The following CIART variants were observed in gnomAD, a reference collection of about 807,000 sequenced individuals.
CIART encodes the protein circadian associated repressor of transcription, also known as circadian-associated transcriptional repressor.
CIART carries 7 observed loss-of-function variants against 22.1 expected under a neutral mutation model. The observed-to-expected ratio is 0.32, with a 90% CI of 0.18 to 0.59. The LOEUF (loss-of-function observed/expected upper bound fraction) is 0.59, where lower values mean the gene tolerates loss of function less well. Ranked by LOEUF, CIART falls within the 20% of genes least tolerant of loss-of-function variation. CIART has a pLI of 0.86. For missense variants in CIART, 440 were observed against 478.0 expected (o/e 0.92, Z 0.74); for synonymous variants, 163 against 174.6 (o/e 0.93, Z 0.53).
chr1:150,285,473 T>C lies in CIART; in HGVS notation c.633+765T>C, dbSNP rs192724430. 30 of 152,648 alleles carry C rather than the reference T, an allele frequency of 2.0e-4. 1 individual carries two copies. Among genetic ancestry groups the C allele is most frequent in the Admixed American group, 1.7e-3 (26 of 15,100 alleles). 9.5% of individuals were successfully genotyped at this position (152,648 alleles called of 1,614,324 possible). On this transcript the variant is annotated intron_variant, in intron 4 of 4. Transcript: ENST00000290363. ...ATTGCTCGAACCCGGGAGGCAGAGG[T>C]TGCGGTGAGCCGAGATCGTGCCATT...
rs1173736546 is a variant in CIART, at chr1:150,283,034, C to G, written c.-234C>G. 1 of 315,128 alleles carries G rather than the reference C, an allele frequency of 3.2e-6. No homozygotes were observed. Among genetic ancestry groups the G allele is most frequent in the Non-Finnish European group, 5.7e-6 (1 of 176,126 alleles). 19.5% of individuals were successfully genotyped at this position (315,128 alleles called of 1,614,324 possible). On this transcript the variant is annotated 5_prime_UTR_variant, in exon 1 of 5. Transcript: ENST00000290363. ...CTCTGCGGCGGCCAGAGAGGGAATC[C>G]CAAGCTCTTAATGGGCGGGGGTGGG...
chr1:150,284,789 C>T, intron 4 of CIART, 81 bp downstream of exon 4: 1 of 1,047,178 alleles, frequency 9.5e-7, no homozygotes, highest in Non-Finnish European at 1.4e-6. Flanking sequence ...CCCCTTTTGC[C>T]ATTTTCTTTT....
At chr1:150,286,400 T>G (rs373544631) in intron 4 of CIART, 30 bp from the exon 5 acceptor site, 2 of 1,519,742 alleles carry the variant, frequency 1.3e-6, no homozygotes, top group Admixed American at 1.7e-5. Flanking sequence ...TTCTCCACAT[T>G]TCTTTTTTTC....
In CIART at chr1:150,284,252, C is replaced by G. The variant is rs1021199584; in HGVS notation, c.443-174C>G. The stretch of plus-strand genomic sequence containing the variant: ...CAGGCTGGTCTCAAACTCCTGACCT[C>G]AGGTGATCCACCCACCTCAGCCTCC... On this transcript the variant is annotated intron_variant, in intron 2 of 4. Transcript: ENST00000290363. 2.0e-5 allele frequency among the ~76,000 whole-genome samples: 3 copies of G among 152,170 alleles called. No individual in the cohort carries two copies. In the East Asian group the frequency reaches 5.8e-4, roughly 29 times the overall value.
intron 4 of CIART, chr1:150,285,118 CCCTT>C: frequency 4.8e-6 from 1 of 208,558 alleles, no homozygotes; most frequent in Non-Finnish European, 9.7e-6. Context: ...TTGTGCCAAA[CCCTT>C]TGACAGTTTT....
chr1:150,283,358 C>T lies in CIART; in HGVS notation c.91C>T (p.Pro31Ser), dbSNP rs782171605. 8 of 1,586,356 alleles carry T rather than the reference C, an allele frequency of 5.0e-6. No individual in the cohort carries two copies. The highest frequency in any genetic ancestry group is 1.4e-5 in the African/African-American group (1 of 73,822). Residue 31 changes from proline to serine, a missense_variant, in exon 1 of 5, where the codon CCC becomes TCC. Coordinates refer to ENST00000290363, the MANE Select transcript of CIART (RefSeq NM_144697.4). ...TSPVNSDFGF[P>S]SDSEREDKGA... ...CCCAGTGAACAGTGACTTTGGCTTC[C>T]CCTCTGATAGTGAGAGGGAGGACAA...
Position 150,283,178 on chromosome 1 carries a change from G to C in CIART, c.-90G>C. 1 of 1,345,334 alleles carries C rather than the reference G, an allele frequency of 7.4e-7. No homozygotes were observed. The highest frequency in any genetic ancestry group is 2.4e-5 in the East Asian group (1 of 41,548). 83.3% of individuals were successfully genotyped at this position (1,345,334 alleles called of 1,614,324 possible). A position where few individuals can be genotyped will look rare whatever the true frequency, so the allele number is the denominator to read the frequency against. The stretch of plus-strand genomic sequence containing the variant: ...GTTCATTTCCTAATCCTTAAACTCT[G>C]GTTTCAAACTCCCTCGCTTTGCTCT... On this transcript the variant is annotated 5_prime_UTR_variant, in exon 1 of 5. Coordinates refer to ENST00000290363, the MANE Select transcript of CIART (RefSeq NM_144697.4).
At chr1:150,284,897 G>GTTA in intron 4 of CIART, 189 bp downstream of exon 4, 1 of 600,468 alleles carries the variant, frequency 1.7e-6, no homozygotes, top group Non-Finnish European at 2.9e-6. Flanking sequence ...TGTTGTTGTT[G>GTTA]TTTTGTTTGA....
intron 4 of CIART, 151 bp from the exon 5 acceptor site, chr1:150,286,279 T>C: frequency 1.4e-6 from 1 of 710,258 alleles, no homozygotes; most frequent in Non-Finnish European, 2.3e-6. Flanking sequence ...TACTTAATCA[T>C]GGCCTGGCAA....
chr1:150,286,775 A>C lies in CIART; in HGVS notation c.979A>C (p.Lys327Gln). The part of the protein sequence containing the change: ...ASPVIPGEPM[K>Q]LSGEGPRCYS... ...TCCTGTCATCCCTGGTGAGCCTATG[A>C]AACTATCTGGAGAGGGTCCTCGTTG... Residue 327 changes from lysine (K) to glutamine (Q), a missense_variant, in exon 5 of 5, where the codon AAA becomes CAA. Coordinates refer to ENST00000290363, the MANE Select transcript of CIART (RefSeq NM_144697.4). The C allele has an allele frequency of 6.2e-7, 1 of 1,613,614 alleles. No individual in the cohort carries two copies. Among genetic ancestry groups the C allele is most frequent in the African/African-American group, 1.3e-5 (1 of 75,026 alleles).
At chr1:150,285,126 CAGTTTT>C in intron 4 of CIART, 3 of 206,338 alleles carry the variant, frequency 1.5e-5, no homozygotes, top group South Asian at 7.4e-5. Flanking sequence ...AACCCTTTGA[CAGTTTT>C]TGAGTCTACA....
In CIART at chr1:150,283,884, A is replaced by G; in HGVS notation, c.442+4A>G. On this transcript the variant is annotated splice_donor_region_variant and intron_variant, in intron 2 of 4. Coordinates refer to ENST00000290363, the MANE Select transcript of CIART (RefSeq NM_144697.4). ...AAGATGGGTCGTTTTGAGAGAGGTA[A>G]TCTTATTGTTGCATTCATTTGGGCT... 1.9e-6 allele frequency: 3 copies of G among 1,555,562 alleles called. No individual in the cohort carries two copies. Among genetic ancestry groups the G allele is most frequent in the Middle Eastern group, 1.7e-4 (1 of 5,952 alleles).
In CIART at chr1:150,283,648, G is replaced by A; in HGVS notation, c.366+15G>A. ...TTGCCCAGAAGGTAAGAGAAAGCAG[G>A]TGAAAGGAGATTCTCCTGGAGTGCC... On this transcript the variant is annotated intron_variant, in intron 1 of 4. Coordinates refer to ENST00000290363, the MANE Select transcript of CIART (RefSeq NM_144697.4). 6.2e-7 allele frequency: 1 copy of A among 1,612,138 alleles called. No homozygotes were observed. The highest frequency in any genetic ancestry group is 8.5e-7 in the Non-Finnish European group (1 of 1,178,592).
intron 2 of CIART, among the ~76,000 whole-genome samples, chr1:150,284,089 C>T (rs1310067095): frequency 6.6e-6 from 1 of 151,882 alleles, no homozygotes; most frequent in African/African-American, 2.4e-5. Flanking sequence ...GCGATCTCGG[C>T]TCACTGCAAC....
chr1:150,283,773 C>G (rs1022760711), intron 1 of CIART, 32 bp from the exon 2 acceptor site: 2 of 1,554,240 alleles, frequency 1.3e-6, no homozygotes, highest in African/African-American at 2.7e-5. Flanking sequence ...AGTTTTTTGT[C>G]TTCTTACAGC....
Position 150,282,683 on chromosome 1 carries a change from A to T in CIART, c.-585A>T, listed in dbSNP as rs1203835823. 6.6e-6 allele frequency: 1 copy of T among 152,646 alleles called. No homozygotes were observed. Among genetic ancestry groups the T allele is most frequent in the Non-Finnish European group, 1.5e-5 (1 of 68,258 alleles). 9.5% of individuals were successfully genotyped at this position (152,646 alleles called of 1,614,324 possible). On this transcript the variant is annotated 5_prime_UTR_variant, in exon 1 of 5. The change abolishes an upstream ATG in the 5' untranslated region. Transcript: ENST00000290363. ...ATTTGGGAGTGGATTTGGGGGCTGA[A>T]TGCAGATCTTGGTATTGGGAGGGTT...
chr1:150,284,921 A>G (rs1220451829), intron 4 of CIART: 2 of 579,302 alleles, frequency 3.5e-6, no homozygotes, highest in African/African-American at 3.8e-5. Flanking sequence ...ACTGGGAGGA[A>G]CTCCATGAAG....
At position 150,283,167 on chromosome 1, in the gene CIART, C is replaced by T. The variant is rs191796557; in HGVS notation, c.-101C>T. ...CCAATCTCCCAGTTCATTTCCTAAT[C>T]CTTAAACTCTGGTTTCAAACTCCCT... On this transcript the variant is annotated 5_prime_UTR_variant, in exon 1 of 5. Transcript: ENST00000290363. The T allele has an allele frequency of 4.5e-3, 5,765 of 1,289,814 alleles. 18 individuals are homozygous for T. The highest frequency in any genetic ancestry group is 5.4e-3 in the Non-Finnish European group (5,116 of 951,886). 79.9% of individuals were successfully genotyped at this position (1,289,814 alleles called of 1,614,324 possible). A position where few individuals can be genotyped will look rare whatever the true frequency, so the allele number is the denominator to read the frequency against.
rs143005306 is a variant in CIART, at chr1:150,283,557, C to T, written c.290C>T (p.Ser97Leu). ...ATGGCAGGATCTGGGGCGAAAAGATCAAGAGATGGTGAACTGGAGACCAGT... is the reference window on the plus strand; with the variant it reads ...ATGGCAGGATCTGGGGCGAAAAGATTAAGAGATGGTGAACTGGAGACCAGT... The part of the protein sequence containing the change: ...SPMAGSGAKR[S>L]RDGELETSLN... The change falls in exon 1 of 5, where the codon TCA (serine) becomes TTA (leucine). Residue 97 changes from serine (S) to leucine (L), a missense_variant. Transcript: ENST00000290363. 195 of 1,614,044 alleles carry T rather than the reference C, an allele frequency of 1.2e-4. No individual in the cohort carries two copies. The highest frequency in any genetic ancestry group is 1.5e-4 in the Non-Finnish European group (179 of 1,179,988).
Sources: gnomAD v4.1 joint callset for allele counts (sites outside exome capture counted in the v4.1 genomes callset) on GRCh38, gnomAD v4.1.1 for gene constraint, MANE v1.5 for transcripts, NCBI Gene and HGNC (gene_info 2026-07-23, HGNC 2026-07-21) for gene names.